PARP6: variants seen among roughly 807,000 people sequenced by gnomAD.
The protein encoded by PARP6 is protein mono-ADP-ribosyltransferase PARP6.
PARP6 carries 27 observed loss-of-function variants against 92.0 expected under a neutral mutation model. The observed-to-expected ratio is 0.29, with a 90% CI of 0.22 to 0.40. PARP6 has a LOEUF of 0.40. Ranked by LOEUF, PARP6 falls within the 10% of genes least tolerant of loss-of-function variation. PARP6 has a pLI of 1.00. For synonymous variants in PARP6, 272 were observed against 281.2 expected, an observed-to-expected ratio of 0.97 and a Z score of 0.33; for missense variants, 501 against 784.5, an observed-to-expected ratio of 0.64 and a Z score of 4.32.
At position 72,264,575 on chromosome 15, in the gene PARP6, C is replaced by G. The variant is rs777775275; in HGVS notation, c.375G>C (p.Gly125=). Residue 125 remains glycine, a synonymous_variant, in exon 8 of 24, where the codon GGG becomes GGC. Coordinates refer to ENST00000569795, the MANE Select transcript of PARP6 (RefSeq NM_001323532.2). ...VFQPSNKEGF[G]LGLQLKKILG... is the part of the protein sequence containing the mutation. ...CTTACTTTTTCAACTGAAGACCCAGCCCAAATCCTTCCTTATTTGATGGCT... is the reference window on the plus strand; with the variant it reads ...CTTACTTTTTCAACTGAAGACCCAGGCCAAATCCTTCCTTATTTGATGGCT... The G allele has an allele frequency of 6.2e-7, 1 of 1,613,950 alleles. No individual in the cohort carries two copies. The highest frequency in any genetic ancestry group is 8.5e-7 in the Non-Finnish European group (1 of 1,179,858).
At chr15:72,257,965 GAAGA>G (rs1567206440) in intron 12 of PARP6, 68 bp downstream of exon 12, 1 of 1,070,244 alleles carries the variant, frequency 9.3e-7, no homozygotes, top group African/African-American at 1.5e-5. Flanking sequence ...ACAGACCAAG[GAAGA>G]AGGAAATAAA....
intron 8 of PARP6, 118 bp downstream of exon 8, chr15:72,264,437 C>A (rs1449774182): frequency 2.9e-5 from 22 of 755,902 alleles, no homozygotes; most frequent in Non-Finnish European, 4.2e-5. Flanking sequence ...GGGCATATTT[C>A]AGAAAGACAT....
intron 9 of PARP6, among the ~76,000 whole-genome samples, chr15:72,261,304 A>T (rs544628759): frequency 6.6e-6 from 1 of 152,360 alleles, no homozygotes; most frequent in South Asian, 2.1e-4. Context: ...GAAAGATGGA[A>T]GATTCAGCAT....
intron 7 of PARP6, 27 bp from the exon 8 acceptor site, chr15:72,264,648 T>A (rs776476049): frequency 6.3e-7 from 1 of 1,577,750 alleles, no homozygotes; most frequent in Middle Eastern, 1.7e-4. Flanking sequence ...AGGCTACTAG[T>A]AAGTACATAT....
chr15:72,262,650 C>T (rs1035971511), intron 8 of PARP6, among the ~76,000 whole-genome samples: 2 of 152,160 alleles, frequency 1.3e-5, no homozygotes, highest in African/African-American at 4.8e-5. Context: ...ATTCTGGTTC[C>T]TACCTTCACC....
At chr15:72,258,211 C>A in intron 11 of PARP6, 79 bp from the exon 12 acceptor site, 1 of 1,038,208 alleles carries the variant, frequency 9.6e-7, no homozygotes, top group Non-Finnish European at 1.5e-6. Flanking sequence ...CTTTTTTTTC[C>A]AACTACCCTC....
At chr15:72,245,107 A>T (rs2083446770) in intron 20 of PARP6, 1 of 152,092 alleles carries the variant, frequency 6.6e-6, no homozygotes. Flanking sequence ...TCACACCTAT[A>T]ATCCCAGCAC....
At chr15:72,253,863 C>T (rs922382709) in intron 15 of PARP6, 7 of 461,996 alleles carry the variant, frequency 1.5e-5, no homozygotes, top group Non-Finnish European at 2.1e-5. Context: ...GCAAAGCGTC[C>T]TCCTGACAAG....
chr15:72,263,995 C>G (rs2086223162), intron 8 of PARP6, among the ~76,000 whole-genome samples: 1 of 150,704 alleles, frequency 6.6e-6, no homozygotes, highest in Non-Finnish European at 1.5e-5. Flanking sequence ...TGCACTCCAG[C>G]CTGGGTGAGA....
chr15:72,249,139 C>T (rs1227188120), intron 20 of PARP6, 106 bp downstream of exon 20: 4 of 590,282 alleles, frequency 6.8e-6, no homozygotes, highest in Non-Finnish European at 9.4e-6. Context: ...AGAGAGCTGA[C>T]ACAGACCAAG....
chr15:72,254,609 A>C, intron 14 of PARP6, 89 bp from the exon 15 acceptor site: 1 of 946,548 alleles, frequency 1.1e-6, no homozygotes, highest in South Asian at 1.4e-5. Context: ...TGTACCAAAA[A>C]AGTCTAGGCC....
chr15:72,260,112 A>G (rs2141031411), intron 10 of PARP6, among the ~76,000 whole-genome samples: 1 of 152,320 alleles, frequency 6.6e-6, no homozygotes, highest in East Asian at 1.9e-4. Context: ...ACTTGAGCTC[A>G]GGAGTTCAAG....
chr15:72,253,406 A>G, intron 16 of PARP6, 31 bp downstream of exon 16: 2 of 1,567,144 alleles, frequency 1.3e-6, no homozygotes, highest in Non-Finnish European at 8.8e-7. Context: ...CCTCCCCATA[A>G]CCCAAGAAGG....
At chr15:72,248,679 T>C (rs1309460596) in intron 20 of PARP6, among the ~76,000 whole-genome samples, 1 of 152,214 alleles carries the variant, frequency 6.6e-6, no homozygotes, top group Non-Finnish European at 1.5e-5. Flanking sequence ...GAACTCTAAA[T>C]CAGATTTCCT....
At chr15:72,247,801 T>A (rs181582554) in intron 20 of PARP6, among the ~76,000 whole-genome samples, 13 of 152,302 alleles carry the variant, frequency 8.5e-5, no homozygotes, top group African/African-American at 3.1e-4. Context: ...ATTTTTTTTT[T>A]AGGCAGAGTC....
chr15:72,270,412 TAA>T (rs1485373361), intron 2 of PARP6, among the ~76,000 whole-genome samples: 1 of 151,876 alleles, frequency 6.6e-6, no homozygotes, highest in Non-Finnish European at 1.5e-5. Context: ...AGTTTCAAAA[TAA>T]AAAGTTTAAA....
At position 72,246,816 on chromosome 15, in the gene PARP6, G is replaced by A. The variant is rs577401247; in HGVS notation, c.1561+2429C>T. ...GTTACCCAGGCTGGAGTGCAATGGC[G>A]CAGTCTCACCTCACTGCAACCTCCG... is the stretch of plus-strand genomic sequence containing the variant. On this transcript the variant is annotated intron_variant, in intron 20 of 23. Transcript: ENST00000569795. Among the ~76,000 whole-genome samples the A allele has an allele frequency of 2.7e-5, 4 of 150,930 alleles. No individual in the cohort carries two copies. In the South Asian group the frequency reaches 6.3e-4, roughly 24 times the overall value.
Position 72,258,128 on chromosome 15 carries a change from A to T in PARP6, c.815T>A (p.Met272Lys). 2 of 1,607,474 alleles carry T rather than the reference A, an allele frequency of 1.2e-6. No homozygotes were observed. The highest frequency in any genetic ancestry group is 1.7e-6 in the Non-Finnish European group (2 of 1,173,868). ...TGGAATCCTCTGTTCTGCATACTTC[A>T]TGATCTGAGAAAACAACAGATTCTA... The part of the protein sequence containing the change: ...TLEYGFLVQI[M>K]KYAEQRIPTL... The change falls in exon 12 of 24, where the codon ATG becomes AAG. Residue 272 changes from methionine (M) to lysine (K), a missense_variant. By Grantham distance (95) the Met-to-Lys change is moderately conservative (BLOSUM62 -1). Transcript: ENST00000569795.
At chr15:72,257,204 T>C (rs1265962191) in intron 13 of PARP6, 144 bp downstream of exon 13, 2 of 628,636 alleles carry the variant, frequency 3.2e-6, no homozygotes, top group African/African-American at 1.8e-5. Flanking sequence ...TGGGGTTGTA[T>C]CCATTTTTTA....
Sources: allele counts gnomAD v4.1 joint callset (sites outside exome capture counted in the v4.1 genomes callset), GRCh38; gene constraint gnomAD v4.1.1; transcripts MANE v1.5; gene names NCBI Gene and HGNC (gene_info 2026-07-23, HGNC 2026-07-21).